The following CORIN variants were observed in gnomAD, a reference collection of about 807,000 sequenced individuals.
The protein encoded by CORIN is corin, serine peptidase.
CORIN carries 117 observed loss-of-function variants against 125.3 expected under a neutral mutation model. The observed-to-expected ratio is 0.93, with a 90% CI of 0.80 to 1.09. CORIN has a LOEUF of 1.09. Ranked by LOEUF, CORIN falls within the 50% of genes least tolerant of loss-of-function variation. The pLI is 0.00. For missense variants in CORIN, 1,253 were observed against 1,306.7 expected (o/e 0.96, Z 0.63); for synonymous variants, 450 against 466.4 (o/e 0.96, Z 0.45).
intron 2 of CORIN, among the ~76,000 whole-genome samples, chr4:47,804,744 G>GGGGGGGGGGGGGGGGC (rs1731696897): frequency 7.6e-6 from 1 of 131,182 alleles, no homozygotes; most frequent in Non-Finnish European, 1.6e-5. Context: ...GGAGGGGGGG[G>GGGGGGGGGGGGGGGGC]GTTGTTAATG....
In CORIN at chr4:47,608,492, G is replaced by A. The variant is rs140825154; in HGVS notation, c.2541-4824C>T. On this transcript the variant is annotated intron_variant, in intron 19 of 21. Coordinates refer to ENST00000273857, the MANE Select transcript of CORIN (RefSeq NM_006587.4). Reference sequence around the variant, plus strand: ...AAAGAACTTCAGACTGTGAGAGGAAGGAAGCAGGCCAAGGTGAAGCCAGGT... The same window carrying A: ...AAAGAACTTCAGACTGTGAGAGGAAAGAAGCAGGCCAAGGTGAAGCCAGGT... Among the ~76,000 whole-genome samples, 65 of 152,318 alleles carry A rather than the reference G, an allele frequency of 4.3e-4. 1 individual carries two copies. The highest frequency in any genetic ancestry group is 6.8e-4 in the Non-Finnish European group (46 of 68,036).
At chr4:47,621,002 T>G (rs1259525267) in intron 19 of CORIN, among the ~76,000 whole-genome samples, 1 of 152,216 alleles carries the variant, frequency 6.6e-6, no homozygotes, top group Non-Finnish European at 1.5e-5. Flanking sequence ...GTAATAGACC[T>G]GTGGATTATT....
chr4:47,824,626 C>T (rs1246252808), intron 1 of CORIN, among the ~76,000 whole-genome samples: 1 of 152,066 alleles, frequency 6.6e-6, no homozygotes, highest in African/African-American at 2.4e-5. Flanking sequence ...CCCAGGTTCA[C>T]CTTCTTTGTT....
chr4:47,786,895 T>C lies in CORIN; in HGVS notation c.239A>G (p.Asn80Ser). 1 of 1,613,490 alleles carries C rather than the reference T, an allele frequency of 6.2e-7. No homozygotes were observed. The highest frequency in any genetic ancestry group is 2.2e-5 in the East Asian group (1 of 44,886). Residue 80 changes from asparagine to serine, a missense_variant, in exon 3 of 22, where the codon AAT becomes AGT. Asn to Ser is a conservative substitution (Grantham distance 46, BLOSUM62 1). Coordinates refer to ENST00000273857, the MANE Select transcript of CORIN (RefSeq NM_006587.4). Reference sequence around the variant, plus strand: ...ATCAGTGACCAAAGGTTCACTCCCATTTGATTTAAAATAGACCTTTTGTAA... The same window carrying C: ...ATCAGTGACCAAAGGTTCACTCCCACTTGATTTAAAATAGACCTTTTGTAA... ...GTLQKVYFKS[N>S]GSEPLVTDGE...
intron 1 of CORIN, among the ~76,000 whole-genome samples, chr4:47,825,164 G>A (rs1481740009): frequency 1.3e-5 from 2 of 152,156 alleles, no homozygotes; most frequent in East Asian, 3.8e-4. Context: ...GGCTGTGTGC[G>A]GACTCTCCAG....
chr4:47,597,895 A>C (rs1419235388), intron 21 of CORIN, among the ~76,000 whole-genome samples: 1 of 152,220 alleles, frequency 6.6e-6, no homozygotes, highest in Non-Finnish European at 1.5e-5. Flanking sequence ...TAACAAGGAT[A>C]ACCACATGAA....
chr4:47,775,252 G>C (rs1302425170), intron 3 of CORIN, among the ~76,000 whole-genome samples: 2 of 151,694 alleles, frequency 1.3e-5, no homozygotes, highest in South Asian at 2.1e-4. Flanking sequence ...AAGTTCTAGG[G>C]TACATGTGCA....
chr4:47,736,411 G>A (rs1728137812), intron 5 of CORIN, among the ~76,000 whole-genome samples: 2 of 152,208 alleles, frequency 1.3e-5, no homozygotes, highest in South Asian at 4.1e-4. Flanking sequence ...AGGCATCTGA[G>A]AGCTGATGAG....
chr4:47,671,199 A>G (rs1002417329), intron 10 of CORIN, among the ~76,000 whole-genome samples: 9 of 152,220 alleles, frequency 5.9e-5, no homozygotes, highest in Non-Finnish European at 1.2e-4. Context: ...TTTAGCGACC[A>G]TTAGAAAATC....
At chr4:47,822,141 C>G (rs1732543464) in intron 1 of CORIN, among the ~76,000 whole-genome samples, 1 of 152,066 alleles carries the variant, frequency 6.6e-6, no homozygotes, top group Non-Finnish European at 1.5e-5. Context: ...TGAAATATCT[C>G]CTGAAATTAT....
At chr4:47,667,521 G>C (rs2109679034) in intron 10 of CORIN, among the ~76,000 whole-genome samples, 1 of 152,266 alleles carries the variant, frequency 6.6e-6, no homozygotes, top group South Asian at 2.1e-4. Flanking sequence ...TTAATTATTT[G>C]ACTAAGAAGT....
intron 4 of CORIN, among the ~76,000 whole-genome samples, chr4:47,744,807 CT>C (rs1728590311): frequency 6.6e-6 from 1 of 152,114 alleles, no homozygotes; most frequent in Admixed American, 6.5e-5. Flanking sequence ...CTAACTATTT[CT>C]TGTAGGAACA....
chr4:47,738,719 T>C (rs1418841098), intron 5 of CORIN, among the ~76,000 whole-genome samples: 1 of 152,158 alleles, frequency 6.6e-6, no homozygotes, highest in Non-Finnish European at 1.5e-5. Context: ...ACAAAAACTG[T>C]TCCTGAGGAA....
intron 3 of CORIN, among the ~76,000 whole-genome samples, chr4:47,781,029 T>G (rs564753192): frequency 6.6e-6 from 1 of 150,610 alleles, no homozygotes; most frequent in Non-Finnish European, 1.5e-5. Context: ...GAAAAAAAGC[T>G]ACAAGGTATA....
intron 3 of CORIN, among the ~76,000 whole-genome samples, chr4:47,776,790 C>G (rs1050840397): frequency 9.9e-5 from 15 of 152,144 alleles, no homozygotes; most frequent in Admixed American, 7.2e-4. Context: ...AAATTGAAAA[C>G]TAAAGTCTCT....
chr4:47,796,163 G>A (rs1416725812), intron 2 of CORIN, among the ~76,000 whole-genome samples: 1 of 152,036 alleles, frequency 6.6e-6, no homozygotes, highest in Non-Finnish European at 1.5e-5. Flanking sequence ...GCACTCCCAT[G>A]TTCCGTGCAG....
intron 16 of CORIN, among the ~76,000 whole-genome samples, chr4:47,634,274 G>C (rs1409271804): frequency 6.6e-6 from 1 of 152,182 alleles, no homozygotes; most frequent in Non-Finnish European, 1.5e-5. Context: ...GTTGCCTACA[G>C]CTCTAAACTC....
chr4:47,823,343 C>T (rs1732603634), intron 1 of CORIN, among the ~76,000 whole-genome samples: 1 of 152,140 alleles, frequency 6.6e-6, no homozygotes, highest in Admixed American at 6.5e-5. Flanking sequence ...TGCTACTAGC[C>T]TTGCATCACC....
At chr4:47,749,157 T>C (rs573623284) in intron 4 of CORIN, among the ~76,000 whole-genome samples, 1 of 152,282 alleles carries the variant, frequency 6.6e-6, no homozygotes, top group Admixed American at 6.5e-5. Context: ...AGGTGGACTT[T>C]AAGATGGCCC....
Sources: allele counts gnomAD v4.1 joint callset (sites outside exome capture counted in the v4.1 genomes callset), GRCh38; gene constraint gnomAD v4.1.1; transcripts MANE v1.5; gene names NCBI Gene and HGNC (gene_info 2026-07-23, HGNC 2026-07-21).